Variants in CAAP1 observed in about 807,000 individuals in gnomAD.
CAAP1 encodes conserved anti-apoptotic protein.
A neutral mutation model predicts 34.0 loss-of-function variants in CAAP1; 20 were observed. The ratio of observed to expected loss-of-function variants is 0.59; its 90% CI spans 0.41 to 0.86. CAAP1 has a LOEUF of 0.86. Among genes scored for constraint, CAAP1 ranks in the 40% least tolerant of loss-of-function variants. The pLI, the probability that CAAP1 is intolerant of heterozygous loss-of-function variation, is 0.00. For synonymous variants in CAAP1, 213 were observed against 166.7 expected, an observed-to-expected ratio of 1.28 and a Z score of -2.14; for missense variants, 538 against 450.5, an observed-to-expected ratio of 1.19 and a Z score of -1.76.
intron 4 of CAAP1, among the ~76,000 whole-genome samples, chr9:26,865,846 TTTATTTA>T (rs1351363096): frequency 2.6e-5 from 4 of 152,072 alleles, no homozygotes; most frequent in African/African-American, 4.8e-5. Context: ...AATAACTTTA[TTTATTTA>T]TTATTTATTT....
intron 1 of CAAP1, 126 bp downstream of exon 1, chr9:26,892,287 A>G: frequency 6.5e-7 from 1 of 1,534,838 alleles, no homozygotes. Context: ...ATGAACCTCA[A>G]GGACGGACGA....
chr9:26,856,363 C>T (rs1822870354), intron 5 of CAAP1, among the ~76,000 whole-genome samples: 1 of 151,898 alleles, frequency 6.6e-6, no homozygotes, highest in Non-Finnish European at 1.5e-5. Flanking sequence ...AGATCAAAGA[C>T]TAAATCAAAC....
intron 5 of CAAP1, among the ~76,000 whole-genome samples, chr9:26,855,198 T>A (rs1040824949): frequency 5.3e-5 from 8 of 152,170 alleles, no homozygotes; most frequent in African/African-American, 1.7e-4. Context: ...ATAGAGGAAC[T>A]TCAAATACTG....
In CAAP1 at chr9:26,892,660, GCCT is replaced by G; in HGVS notation, c.53_55del (p.Glu18del). 2 of 1,607,136 alleles carry G rather than the reference GCCT, an allele frequency of 1.2e-6. No homozygotes were observed. The highest frequency in any genetic ancestry group is 1.7e-6 in the Non-Finnish European group (2 of 1,179,112). ...GTCCGGGGCCGCGAGCGCTGCGGCC[GCCT>G]CCTGACTGCTACGTTTGCGCCGTTT... On this transcript the variant is annotated inframe_deletion, in exon 1 of 6. Transcript: ENST00000333916.
chr9:26,873,530 A>G (rs970025767), intron 4 of CAAP1, among the ~76,000 whole-genome samples: 1 of 152,188 alleles, frequency 6.6e-6, no homozygotes, highest in Non-Finnish European at 1.5e-5. Flanking sequence ...TTATTGTGCT[A>G]TTCAAGACTT....
rs1587082684 is a variant in CAAP1 at position 26,842,713 on chromosome 9, T to C, written c.740-66A>G. ...CCATGGGTCACAATTTCCTTACTGT[T>C]TATAATTTAAAAACTGCTTTGATCC... On this transcript the variant is annotated intron_variant, in intron 5 of 5. Coordinates refer to ENST00000333916, the MANE Select transcript of CAAP1 (RefSeq NM_024828.4). The C allele has an allele frequency of 9.5e-6, 13 of 1,362,466 alleles. No individual in the cohort carries two copies. The East Asian group carries it at 1.2e-4, about 12-fold the overall frequency. The allele number at this position is 1,362,466 out of a possible 1,614,324, so 84.4% of individuals were successfully genotyped here.
At chr9:26,877,623 T>C (rs1236723017) in intron 4 of CAAP1, among the ~76,000 whole-genome samples, 1 of 152,174 alleles carries the variant, frequency 6.6e-6, no homozygotes, top group Non-Finnish European at 1.5e-5. Flanking sequence ...TTACAGTTTC[T>C]GGTGTTGTGG....
chr9:26,845,006 C>T (rs1297015010), intron 5 of CAAP1, among the ~76,000 whole-genome samples: 2 of 152,184 alleles, frequency 1.3e-5, no homozygotes, highest in East Asian at 3.8e-4. Flanking sequence ...TGCTTTCTGA[C>T]TTATTCTGTC....
chr9:26,853,087 A>C (rs1163025276), intron 5 of CAAP1, among the ~76,000 whole-genome samples: 1 of 152,192 alleles, frequency 6.6e-6, no homozygotes, highest in Non-Finnish European at 1.5e-5. Flanking sequence ...GGAAGCTATT[A>C]GAAGGCTTTG....
intron 5 of CAAP1, among the ~76,000 whole-genome samples, chr9:26,860,189 TAAA>T (rs1440430459): frequency 1.3e-5 from 2 of 152,172 alleles, no homozygotes; most frequent in Non-Finnish European, 2.9e-5. Flanking sequence ...GAGTAACTAA[TAAA>T]AACTTATTTT....
chr9:26,861,751 T>C (rs911702212), intron 4 of CAAP1, among the ~76,000 whole-genome samples: 1 of 152,150 alleles, frequency 6.6e-6, no homozygotes, highest in Non-Finnish European at 1.5e-5. Flanking sequence ...GTCAAGAAAT[T>C]ATAAATGTTC....
At position 26,887,469 on chromosome 9, in the gene CAAP1, C is replaced by A; in HGVS notation, c.348G>T (p.Leu116Phe). Residue 116 changes from leucine (L) to phenylalanine (F), a missense_variant, in exon 2 of 6, where the codon TTG becomes TTT. Transcript: ENST00000333916. ...ILPTLEKELF[L>F]AEHSDLEEGG... ...CTTCTTCAAGGTCACTGTGCTCTGC[C>A]AAGAATAATTCTTTTTCCAAAGTTG... The A allele has an allele frequency of 6.2e-7, 1 of 1,609,124 alleles. No individual in the cohort carries two copies. The highest frequency in any genetic ancestry group is 8.5e-7 in the Non-Finnish European group (1 of 1,178,894).
At chr9:26,875,828 G>A (rs1823415414) in intron 4 of CAAP1, among the ~76,000 whole-genome samples, 1 of 151,906 alleles carries the variant, frequency 6.6e-6, no homozygotes, top group African/African-American at 2.4e-5. Context: ...ATTGTGGTGT[G>A]ATCTCCTTTG....
At chr9:26,852,175 C>T (rs1481677694) in intron 5 of CAAP1, among the ~76,000 whole-genome samples, 1 of 151,542 alleles carries the variant, frequency 6.6e-6, no homozygotes, top group African/African-American at 2.4e-5. Context: ...CCTCCCACCT[C>T]AGTCTCCCAG....
intron 4 of CAAP1, among the ~76,000 whole-genome samples, chr9:26,868,917 G>T (rs781374064): frequency 6.6e-6 from 1 of 152,124 alleles, no homozygotes; most frequent in East Asian, 1.9e-4. Flanking sequence ...AGACCTTTAC[G>T]GAACATCCGG....
chr9:26,880,867 G>C lies in CAAP1; in HGVS notation c.665+3943C>G, dbSNP rs112821990. 7.2e-5 allele frequency among the ~76,000 whole-genome samples: 11 copies of C among 152,068 alleles called. 2 individuals carry two copies. Among genetic ancestry groups the C allele is most frequent in the African/African-American group, 2.7e-4 (11 of 41,466 alleles). On this transcript the variant is annotated intron_variant, in intron 4 of 5. Coordinates refer to ENST00000333916, the MANE Select transcript of CAAP1 (RefSeq NM_024828.4). ...ATTTTTGTATTTTTAGTGGAGACCG[G>C]GTTTCATCATGTTGGCCACGCTGGT...
intron 5 of CAAP1, among the ~76,000 whole-genome samples, chr9:26,847,683 A>G (rs1358835629): frequency 6.7e-6 from 1 of 150,182 alleles, no homozygotes; most frequent in Non-Finnish European, 1.5e-5. Context: ...ATATATTCTT[A>G]TATTTGTCCT....
At chr9:26,884,994 T>G (rs188662275) in intron 3 of CAAP1, 109 bp from the exon 4 acceptor site, 2 of 793,144 alleles carry the variant, frequency 2.5e-6, no homozygotes, top group Non-Finnish European at 4.1e-6. Context: ...TAAAGAACTT[T>G]ATACTGGGTC....
chr9:26,892,627 G>T lies in CAAP1; in HGVS notation c.89C>A (p.Pro30His), dbSNP rs766721198. The stretch of plus-strand genomic sequence containing the variant: ...TCCACTGCTGCCGCTGGCCAACGCG[G>T]GTACGATGTCCGGGGCCGCGAGCGC... ...AAALAAPDIV[P>H]ALASGSSGST... Residue 30 changes from proline (P) to histidine (H), a missense_variant, in exon 1 of 6, where the codon CCC becomes CAC. Physicochemically the swap from Pro to His is moderately conservative, Grantham distance 77 (BLOSUM62 -2). Transcript: ENST00000333916. 1 of 1,609,296 alleles carries T rather than the reference G, an allele frequency of 6.2e-7. No homozygotes were observed.
Sources: allele counts gnomAD v4.1 joint callset (sites outside exome capture counted in the v4.1 genomes callset), GRCh38; gene constraint gnomAD v4.1.1; transcripts MANE v1.5; gene names NCBI Gene and HGNC (gene_info 2026-07-23, HGNC 2026-07-21).